The following SI variants were observed in gnomAD, a reference collection of about 807,000 sequenced individuals.
SI encodes the protein sucrase-isomaltase, also known as sucrase-isomaltase, intestinal.
SI carries 235 observed loss-of-function variants against 253.3 expected under a neutral mutation model. The observed-to-expected ratio is 0.93, with a 90% CI of 0.83 to 1.03. SI has a LOEUF of 1.03. Ranked by LOEUF, SI falls within the 50% of genes least tolerant of loss-of-function variation. SI has a pLI of 0.00. For synonymous variants in SI, 819 were observed against 712.0 expected (o/e 1.15, Z -2.39); for missense variants, 2,442 against 2,211.1 (o/e 1.10, Z -2.09).
At chr3:165,001,800 TTTTG>T (rs1466476020) in intron 37 of SI, among the ~76,000 whole-genome samples, 9 of 151,552 alleles carry the variant, frequency 5.9e-5, no homozygotes, top group African/African-American at 2.2e-4. Context: ...ATAGACTAGT[TTTTG>T]TTTATTAAAA....
chr3:165,065,110 C>T (rs1301436280), intron 7 of SI, 151 bp downstream of exon 7: 4 of 573,380 alleles, frequency 7.0e-6, no homozygotes, highest in African/African-American at 5.7e-5. Context: ...TCAATTGTCC[C>T]TCCCAAGCTA....
intron 5 of SI, 30 bp downstream of exon 5, chr3:165,068,692 T>C: frequency 6.6e-7 from 1 of 1,517,378 alleles, no homozygotes; most frequent in Non-Finnish European, 9.2e-7. Context: ...TCTTTTAGTA[T>C]TAAATCTTTG....
chr3:165,084,903 C>A, the SI span, among the ~76,000 whole-genome samples: 1 of 152,022 alleles, frequency 6.6e-6, no homozygotes, highest in East Asian at 1.9e-4. Flanking sequence ...TAAAGTGAGG[C>A]AACTCTGAAA....
intron 25 of SI, among the ~76,000 whole-genome samples, chr3:165,024,433 A>C (rs534243186): frequency 6.6e-6 from 1 of 151,310 alleles, no homozygotes; most frequent in East Asian, 1.9e-4. Flanking sequence ...TATTTTGGAG[A>C]GAAATATTAT....
intron 12 of SI, among the ~76,000 whole-genome samples, chr3:165,055,791 T>C (rs1225249111): frequency 6.6e-6 from 1 of 152,136 alleles, no homozygotes; most frequent in African/African-American, 2.4e-5. Context: ...ATTACTAACA[T>C]ATAATCTTCA....
Position 165,009,445 on chromosome 3 carries a change from A to T in SI, c.4063-50T>A, listed in dbSNP as rs763341786. ...CATGTGGAAAGTCTTAAGAGAGATTATATACATATAAATCTGAATGTATTT... is the reference window on the plus strand; with the variant it reads ...CATGTGGAAAGTCTTAAGAGAGATTTTATACATATAAATCTGAATGTATTT... On this transcript the variant is annotated intron_variant, in intron 34 of 47. Transcript: ENST00000264382. 3.2e-6 allele frequency: 3 copies of T among 946,206 alleles called. No individual in the cohort carries two copies. In the Admixed American group the frequency reaches 5.1e-5, roughly 16 times the overall value. The allele number at this position is 946,206 out of a possible 1,614,324, so 58.6% of individuals were successfully genotyped here.
At chr3:164,989,429 A>G (rs187162708) in intron 44 of SI, among the ~76,000 whole-genome samples, 154 of 144,672 alleles carry the variant, frequency 1.1e-3, no homozygotes, top group Middle Eastern at 3.5e-3. Context: ...AGAAAGAAAG[A>G]AAGAAAGGAA....
At chr3:165,006,687 A>G in intron 37 of SI, 129 bp downstream of exon 37, 1 of 738,992 alleles carries the variant, frequency 1.4e-6, no homozygotes, top group South Asian at 1.7e-5. Context: ...ATGAAGGAAG[A>G]AGTTACAGAG....
chr3:165,062,367 A>T lies in SI; in HGVS notation c.1020+4T>A, dbSNP rs1714029664. 1 of 1,416,094 alleles carries T rather than the reference A, an allele frequency of 7.1e-7. No individual in the cohort carries two copies. The highest frequency in any genetic ancestry group is 1.0e-6 in the Non-Finnish European group (1 of 1,000,242). 87.7% of individuals were successfully genotyped at this position (1,416,094 alleles called of 1,614,324 possible). A position where few individuals can be genotyped will look rare whatever the true frequency, so the allele number is the denominator to read the frequency against. ...AAATTTTATAAAATAGACCTGAAAC[A>T]CACCTGTTGATACTGTTGAACTACT... is the stretch of plus-strand genomic sequence containing the variant. On this transcript the variant is annotated splice_donor_region_variant and intron_variant, in intron 9 of 47. Coordinates refer to ENST00000264382, the MANE Select transcript of SI (RefSeq NM_001041.4).
At chr3:165,071,198 C>G (rs796279840) in intron 3 of SI, among the ~76,000 whole-genome samples, 1 of 152,046 alleles carries the variant, frequency 6.6e-6, no homozygotes, top group Admixed American at 6.6e-5. Context: ...ATTATTTAAC[C>G]TACTACATAT....
chr3:165,047,508 T>A (rs1251458656), intron 15 of SI, among the ~76,000 whole-genome samples: 3 of 152,040 alleles, frequency 2.0e-5, no homozygotes, highest in Non-Finnish European at 4.4e-5. Context: ...ATGTCAAAAT[T>A]TTATATCAAT....
intron 3 of SI, among the ~76,000 whole-genome samples, chr3:165,073,159 G>T: frequency 7.0e-6 from 1 of 142,610 alleles, no homozygotes; most frequent in Non-Finnish European, 1.5e-5. Flanking sequence ...TCTATGTTTA[G>T]CTTCAATCAT....
Position 165,059,066 on chromosome 3 carries a change from A to G in SI, c.1295T>C (p.Ile432Thr), listed in dbSNP as rs748971557. The G allele has an allele frequency of 4.3e-6, 7 of 1,612,500 alleles. No homozygotes were observed. Among genetic ancestry groups the G allele is most frequent in the East Asian group, 2.2e-5 (1 of 44,690 alleles). Residue 432 changes from isoleucine (I) to threonine (T), a missense_variant, in exon 12 of 48, where the codon ATA becomes ACA. Ile to Thr is a moderately conservative substitution (Grantham distance 89, BLOSUM62 -1). Coordinates refer to ENST00000264382, the MANE Select transcript of SI (RefSeq NM_001041.4). ...YVIILDPAIS[I>T]GRRANGTTYA... ...TGTTGTTCCATTGGCACGTCGACCT[A>G]TGGAAATTGCAGGGTCCTAATAATA... is the stretch of plus-strand genomic sequence containing the variant.
chr3:165,010,716 A>G (rs1718729427), intron 34 of SI, among the ~76,000 whole-genome samples: 1 of 152,192 alleles, frequency 6.6e-6, no homozygotes, highest in Non-Finnish European at 1.5e-5. Flanking sequence ...CTTAAATAAA[A>G]TCATTGATTA....
intron 37 of SI, among the ~76,000 whole-genome samples, chr3:165,002,395 C>T (rs956782265): frequency 6.6e-6 from 1 of 151,702 alleles, no homozygotes. Context: ...TCTGCAATTT[C>T]TCAAGCTGAT....
rs758109043 is a variant in SI at position 165,059,273 on chromosome 3, G to A, written c.1173C>T (p.Tyr391=). The stretch of plus-strand genomic sequence containing the variant: ...AAGTAAAGTCTTTCTTGTCTTCCAT[G>A]TAGTCAATATCAGTGACCTGTGTAT... ...PFDTQVTDID[Y]MEDKKDFTYD... The change falls in exon 11 of 48, where the codon TAC becomes TAT. Residue 391 remains tyrosine, a synonymous_variant. Coordinates refer to ENST00000264382, the MANE Select transcript of SI (RefSeq NM_001041.4). The A allele has an allele frequency of 6.2e-7, 1 of 1,612,490 alleles. No individual in the cohort carries two copies. The highest frequency in any genetic ancestry group is 1.7e-5 in the Admixed American group (1 of 59,834).
intron 3 of SI, among the ~76,000 whole-genome samples, chr3:165,073,190 C>A (rs1429925465): frequency 1.2e-3 from 29 of 23,738 alleles, no homozygotes; most frequent in African/African-American, 3.1e-3. Flanking sequence ...CTCTCTCTCT[C>A]TCTCTCTCTC....
chr3:165,039,387 AT>A (rs141588806), intron 19 of SI, among the ~76,000 whole-genome samples: 2,089 of 152,246 alleles, frequency 0.014, 46 homozygotes, highest in African/African-American at 0.048. Context: ...ATATATGTGT[AT>A]TGTTATAAAA....
chr3:165,063,472 C>A lies in SI; in HGVS notation c.877G>T (p.Gly293Cys). 2 of 1,545,360 alleles carry A rather than the reference C, an allele frequency of 1.3e-6. No homozygotes were observed. Among genetic ancestry groups the A allele is most frequent in the Admixed American group, 1.7e-5 (1 of 59,284 alleles). ...CIEDTSGKSF[G>C]VFLMNSNAME... ...GCATTGCTATTCATTAAAAAAACAC[C>A]GAATGACTTTCCAGATGTATCTTCA... The change falls in exon 8 of 48, where the codon GGT becomes TGT. Residue 293 changes from glycine to cysteine, a missense_variant. Coordinates refer to ENST00000264382, the MANE Select transcript of SI (RefSeq NM_001041.4).
Sources: allele counts gnomAD v4.1 joint callset (sites outside exome capture counted in the v4.1 genomes callset), GRCh38; gene constraint gnomAD v4.1.1; transcripts MANE v1.5; gene names NCBI Gene and HGNC (gene_info 2026-07-23, HGNC 2026-07-21).